IPO7: variants seen among roughly 807,000 people sequenced by gnomAD.
IPO7 encodes the protein importin 7.
In IPO7, 13 loss-of-function variants were observed where a neutral mutation model predicts 136.4. That is an observed-to-expected ratio of 0.10 (90% CI 0.06 to 0.15). IPO7 has a LOEUF of 0.15. IPO7 is among the 10% of genes least tolerant of loss of function. The pLI is 1.00. For missense variants in IPO7, 857 were observed against 1,240.6 expected (o/e 0.69, Z 4.65); for synonymous variants, 403 against 404.4 (o/e 1.00, Z 0.04).
Position 9,423,078 on chromosome 11 carries a change from A to G in IPO7, c.979A>G (p.Asn327Asp). ...TCCTCGAGTTTTACAACAGACATTA[A>G]ATTATATTAATCAAGGAGTTTCTCA... ...MAPRVLQQTL[N>D]YINQGVSHAL... Residue 327 changes from asparagine to aspartate, a missense_variant, in exon 9 of 25, where the codon AAT becomes GAT. Around this residue, in one of 11 missense-constraint regions of IPO7, gnomAD observed 127 missense variants for 222.4 expected, o/e 0.57. Coordinates refer to ENST00000379719, the MANE Select transcript of IPO7 (RefSeq NM_006391.3). The G allele has an allele frequency of 6.3e-7, 1 of 1,593,282 alleles. No homozygotes were observed. Among genetic ancestry groups the G allele is most frequent in the Non-Finnish European group, 8.6e-7 (1 of 1,162,398 alleles).
At chr11:9,440,189 G>T (rs1241841166) in intron 22 of IPO7, among the ~76,000 whole-genome samples, 2 of 152,116 alleles carry the variant, frequency 1.3e-5, no homozygotes, top group African/African-American at 2.4e-5. Flanking sequence ...AGGTTTGGTG[G>T]GTGTAACGGT....
intron 22 of IPO7, among the ~76,000 whole-genome samples, chr11:9,438,612 G>A (rs576439878): frequency 1.5e-4 from 23 of 151,968 alleles, no homozygotes; most frequent in Non-Finnish European, 2.8e-4. Context: ...GTAACAGAAC[G>A]AGACTCCATC....
At chr11:9,416,506 C>A (rs1031163381) in intron 5 of IPO7, among the ~76,000 whole-genome samples, 5 of 152,068 alleles carry the variant, frequency 3.3e-5, no homozygotes, top group African/African-American at 1.2e-4. Flanking sequence ...GACTAGCATA[C>A]CTGTTGTAAA....
chr11:9,424,027 A>G, intron 10 of IPO7, 151 bp downstream of exon 10: 1 of 512,752 alleles, frequency 2.0e-6, no homozygotes, highest in Admixed American at 3.9e-5. Flanking sequence ...CTATTTATTA[A>G]TTATGACATT....
chr11:9,433,812 A>C lies in IPO7; in HGVS notation c.2040A>C (p.Glu680Asp). The stretch of plus-strand genomic sequence containing the variant: ...GGCAGCTACTACCCCTTGTATTTGA[A>C]GTCTTTCAGCAAGATGGCTTTGATT... ...QMWQLLPLVF[E>D]VFQQDGFDYF... is the part of the protein sequence containing the mutation. The change falls in exon 18 of 25, where the codon GAA becomes GAC. Residue 680 changes from glutamate (E) to aspartate (D), a missense_variant. Physicochemically the swap from Glu to Asp is conservative, Grantham distance 45. Around this residue, in one of 11 missense-constraint regions of IPO7, gnomAD observed 190 missense variants for 249.0 expected, o/e 0.76. Coordinates refer to ENST00000379719, the MANE Select transcript of IPO7 (RefSeq NM_006391.3). 1 of 1,611,614 alleles carries C rather than the reference A, an allele frequency of 6.2e-7. No homozygotes were observed. Among genetic ancestry groups the C allele is most frequent in the Non-Finnish European group, 8.5e-7 (1 of 1,179,914 alleles).
intron 24 of IPO7, among the ~76,000 whole-genome samples, chr11:9,444,525 A>G (rs1421412206): frequency 2.0e-5 from 3 of 151,632 alleles, no homozygotes; most frequent in Non-Finnish European, 4.4e-5. Flanking sequence ...ACCACACCCA[A>G]CTAATTTTTG....
At chr11:9,428,863 G>A (rs770531689) in intron 13 of IPO7, 168 bp from the exon 14 acceptor site, 1 of 796,474 alleles carries the variant, frequency 1.3e-6, no homozygotes, top group Non-Finnish European at 2.3e-6. Context: ...CAAACATCAT[G>A]CGGCCAAAGA....
chr11:9,444,824 C>T (rs1239019913), intron 24 of IPO7, among the ~76,000 whole-genome samples: 2 of 140,548 alleles, frequency 1.4e-5, no homozygotes, highest in Non-Finnish European at 3.0e-5. Flanking sequence ...GTGACAGAGC[C>T]AGACTCTGTC....
chr11:9,442,403 T>G (rs73406235), intron 24 of IPO7, among the ~76,000 whole-genome samples: 9,163 of 150,570 alleles, frequency 0.061, 864 homozygotes, highest in African/African-American at 0.2. Flanking sequence ...GCTTTTTTCG[T>G]TTTTTTTTGT....
intron 1 of IPO7, among the ~76,000 whole-genome samples, chr11:9,389,246 GCCA>G (rs2133715939): frequency 6.6e-6 from 1 of 151,826 alleles, no homozygotes; most frequent in South Asian, 2.1e-4. Context: ...ACGGGGTTTC[GCCA>G]CATTGCCCAG....
chr11:9,440,881 A>G (rs1359365743), intron 23 of IPO7, among the ~76,000 whole-genome samples: 1 of 152,224 alleles, frequency 6.6e-6, no homozygotes, highest in Non-Finnish European at 1.5e-5. Flanking sequence ...AGATTATAGG[A>G]AAATAATGTA....
rs377148636 is a variant in IPO7 at position 9,397,361 on chromosome 11, T to TATATATATAA, written c.85-5925_85-5924insATATAAATAT. 4.7e-5 allele frequency among the ~76,000 whole-genome samples: 2 copies of TATATATATAA among 42,278 alleles called. 1 individual carries two copies. Among genetic ancestry groups the TATATATATAA allele is most frequent in the Non-Finnish European group, 8.0e-5 (2 of 24,896 alleles). 27.7% of individuals were successfully genotyped at this position (42,278 alleles called of 152,430 possible). On this transcript the variant is annotated intron_variant, in intron 1 of 24. Transcript: ENST00000379719. Reference sequence around the variant, plus strand: ...AAAAAAATATATATATATATATATATATATTAGTCGGGCACGGTGGCAGGT... The same window carrying TATATATATAA: ...AAAAAAATATATATATATATATATATATATATATAAATATTAGTCGGGCACGGTGGCAGGT...
At chr11:9,437,356 GCC>G (rs1565004123) in intron 20 of IPO7, among the ~76,000 whole-genome samples, 2 of 69,710 alleles carry the variant, frequency 2.9e-5, no homozygotes, top group Non-Finnish European at 8.9e-5. Flanking sequence ...CCAGGTTCAC[GCC>G]ATTCTCCTTC....
At chr11:9,443,321 A>G (rs1590456973) in intron 24 of IPO7, among the ~76,000 whole-genome samples, 1 of 152,038 alleles carries the variant, frequency 6.6e-6, no homozygotes, top group Non-Finnish European at 1.5e-5. Flanking sequence ...AGCCGGGCGC[A>G]GTGGCTCACA....
chr11:9,428,161 C>T (rs1345542702), intron 12 of IPO7, among the ~76,000 whole-genome samples: 1 of 151,840 alleles, frequency 6.6e-6, no homozygotes, highest in Non-Finnish European at 1.5e-5. Flanking sequence ...TTTAGATAGC[C>T]AGTTTATTCG....
chr11:9,443,152 G>A (rs984494385), intron 24 of IPO7, among the ~76,000 whole-genome samples: 4 of 151,880 alleles, frequency 2.6e-5, no homozygotes, highest in Admixed American at 6.6e-5. Flanking sequence ...GCAGTGAGCC[G>A]ACATCACGCC....
Position 9,419,225 on chromosome 11 carries a change from A to G in IPO7, c.727-1186A>G, listed in dbSNP as rs545236530. Among the ~76,000 whole-genome samples, 9 of 152,152 alleles carry G rather than the reference A, an allele frequency of 5.9e-5. No homozygotes were observed. The South Asian group carries it at 1.9e-3, about 32-fold the overall frequency. On this transcript the variant is annotated intron_variant, in intron 6 of 24. Transcript: ENST00000379719. ...GTATGAGAGTGTTCACTTGCTCTGT[A>G]TATTCACTTCCTTATCCTACTTAAA... is the stretch of plus-strand genomic sequence containing the variant.
At position 9,420,756 on chromosome 11, in the gene IPO7, T is replaced by C. The variant is rs558834617; in HGVS notation, c.906+58T>C. On this transcript the variant is annotated intron_variant, in intron 8 of 24. Coordinates refer to ENST00000379719, the MANE Select transcript of IPO7 (RefSeq NM_006391.3). ...CATGGCATCTTTAAGTTAATTTATA[T>C]ATTGCTTATTCCCAGTTTCTTTGAC... The C allele has an allele frequency of 2.8e-5, 32 of 1,146,282 alleles. 1 individual carries two copies. The highest frequency in any genetic ancestry group is 1.4e-4 in the South Asian group (11 of 79,454). 71.0% of individuals were successfully genotyped at this position (1,146,282 alleles called of 1,614,324 possible).
rs1432925277 is a variant in IPO7 at position 9,442,207 on chromosome 11, T to A, written c.3019+10T>A. 2 of 1,264,770 alleles carry A rather than the reference T, an allele frequency of 1.6e-6. No individual in the cohort carries two copies. Among genetic ancestry groups the A allele is most frequent in the African/African-American group, 3.0e-5 (2 of 67,622 alleles). 78.3% of individuals were successfully genotyped at this position (1,264,770 alleles called of 1,614,324 possible). A position where few individuals can be genotyped will look rare whatever the true frequency, so the allele number is the denominator to read the frequency against. On this transcript the variant is annotated intron_variant, in intron 24 of 24. Coordinates refer to ENST00000379719, the MANE Select transcript of IPO7 (RefSeq NM_006391.3). Reference sequence around the variant, plus strand: ...AGAAGAGCAGCCCATGGTATGTTAATTAACTGTAACTCCTCTTTAATTAGT... The same window carrying A: ...AGAAGAGCAGCCCATGGTATGTTAAATAACTGTAACTCCTCTTTAATTAGT...
Sources: gnomAD v4.1 joint callset for allele counts (sites outside exome capture counted in the v4.1 genomes callset) on GRCh38, gnomAD v4.1.1 for gene constraint, gnomAD v4.1.1 regional missense constraint, MANE v1.5 for transcripts, NCBI Gene and HGNC (gene_info 2026-07-23, HGNC 2026-07-21) for gene names.